FRMD3: variants seen among roughly 807,000 people sequenced by gnomAD.
FRMD3 encodes the protein FERM domain containing 3, also known as FERM domain-containing protein 3.
FRMD3 carries 33 observed loss-of-function variants against 70.2 expected under a neutral mutation model. That is an observed-to-expected ratio of 0.47 (90% CI 0.36 to 0.63). FRMD3 has a LOEUF of 0.63. Ranked by LOEUF, FRMD3 falls within the 20% of genes least tolerant of loss-of-function variation. The pLI, the probability that FRMD3 is intolerant of heterozygous loss-of-function variation, is 0.00. For missense variants in FRMD3, 632 were observed against 711.4 expected (o/e 0.89, Z 1.27); for synonymous variants, 279 against 255.9 (o/e 1.09, Z -0.86).
chr9:83,444,091 GC>G (rs1827387438), intron 1 of FRMD3, among the ~76,000 whole-genome samples: 1 of 152,208 alleles, frequency 6.6e-6, no homozygotes, highest in African/African-American at 2.4e-5. Flanking sequence ...CACACTTAGT[GC>G]TGGTGATGTT....
intron 1 of FRMD3, among the ~76,000 whole-genome samples, chr9:83,515,356 GAA>G (rs1158718900): frequency 6.6e-6 from 1 of 152,050 alleles, no homozygotes; most frequent in Non-Finnish European, 1.5e-5. Context: ...CAATCAAGCG[GAA>G]AAAAGGATAT....
intron 13 of FRMD3, among the ~76,000 whole-genome samples, chr9:83,287,943 C>T (rs192020701): frequency 6.6e-6 from 1 of 152,328 alleles, no homozygotes; most frequent in Non-Finnish European, 1.5e-5. Context: ...GGAACTTGGA[C>T]ATGGTAAGTG....
chr9:83,267,088 G>A (rs1833298448), intron 13 of FRMD3: 4 of 1,550,668 alleles, frequency 2.6e-6, no homozygotes, highest in Non-Finnish European at 3.5e-6. Flanking sequence ...GGTTCACCAT[G>A]TGCAATTGGA....
intron 1 of FRMD3, among the ~76,000 whole-genome samples, chr9:83,468,896 C>T (rs1587884200): frequency 6.6e-6 from 1 of 152,294 alleles, no homozygotes; most frequent in African/African-American, 2.4e-5. Context: ...GAGCAGCCAG[C>T]TAGCCATATA....
intron 13 of FRMD3, among the ~76,000 whole-genome samples, chr9:83,254,990 C>G (rs1832632181): frequency 6.6e-6 from 1 of 152,094 alleles, no homozygotes; most frequent in Admixed American, 6.5e-5. Context: ...GAAAGTATTC[C>G]TAAAAGATGA....
At chr9:83,389,746 A>G in intron 1 of FRMD3, 38 bp from the exon 2 acceptor site, 1 of 1,449,468 alleles carries the variant, frequency 6.9e-7, no homozygotes, top group Non-Finnish European at 9.7e-7. Flanking sequence ...GCCAGAGCTC[A>G]CCTTGTGCAT....
At chr9:83,367,870 G>A (rs1824840779) in intron 3 of FRMD3, among the ~76,000 whole-genome samples, 2 of 152,224 alleles carry the variant, frequency 1.3e-5, no homozygotes, top group South Asian at 4.1e-4. Context: ...CTGTAGTAAT[G>A]TCCCTTCATT....
intron 5 of FRMD3, among the ~76,000 whole-genome samples, chr9:83,340,980 G>A (rs1298153030): frequency 6.6e-6 from 1 of 152,096 alleles, no homozygotes; most frequent in Non-Finnish European, 1.5e-5. Context: ...AGACGATGAG[G>A]GGCGACAGTG....
chr9:83,366,192 A>G (rs530839596), intron 3 of FRMD3, among the ~76,000 whole-genome samples: 1 of 152,150 alleles, frequency 6.6e-6, no homozygotes, highest in Non-Finnish European at 1.5e-5. Flanking sequence ...AGAAAAAAAA[A>G]CAGTATGGAG....
In FRMD3 at chr9:83,313,759, CAAG is replaced by C. The variant is rs1464983304; in HGVS notation, c.597-15_597-13del. On this transcript the variant is annotated splice_polypyrimidine_tract_variant and intron_variant, in intron 6 of 13. Coordinates refer to ENST00000304195, the MANE Select transcript of FRMD3 (RefSeq NM_174938.6). ...GTGGGCTCTGCCCCCTAAAATCACA[CAAG>C]AAAAGTTGAGGCAGTTAAAATGGAA... 1 of 1,607,364 alleles carries C rather than the reference CAAG, an allele frequency of 6.2e-7. No individual in the cohort carries two copies.
intron 1 of FRMD3, among the ~76,000 whole-genome samples, chr9:83,478,422 T>C (rs372552833): frequency 6.6e-6 from 1 of 152,112 alleles, no homozygotes; most frequent in African/African-American, 2.4e-5. Context: ...ACTAATCAAT[T>C]GGAAAAATGC....
At chr9:83,322,820 T>G (rs1199564078) in intron 6 of FRMD3, among the ~76,000 whole-genome samples, 1 of 152,224 alleles carries the variant, frequency 6.6e-6, no homozygotes, top group Non-Finnish European at 1.5e-5. Context: ...TTACTTCAAG[T>G]GCTTCCCATC....
chr9:83,321,058 T>C (rs4111395), intron 6 of FRMD3, among the ~76,000 whole-genome samples: 18,340 of 152,196 alleles, frequency 0.12, 1,338 homozygotes, highest in East Asian at 0.23. Flanking sequence ...CTGATTGTGT[T>C]ATTTGGATCT....
At chr9:83,561,300 A>AT in the FRMD3 span, among the ~76,000 whole-genome samples, 1 of 152,030 alleles carries the variant, frequency 6.6e-6, no homozygotes, top group Non-Finnish European at 1.5e-5. Context: ...CTCTTGCTGA[A>AT]TTTTTTTTAC....
intron 6 of FRMD3, among the ~76,000 whole-genome samples, chr9:83,330,809 C>T (rs76820287): frequency 6.6e-5 from 10 of 152,312 alleles, no homozygotes; most frequent in East Asian, 3.9e-4. Context: ...AAGAATCATT[C>T]GGCTCAGTGG....
At chr9:83,416,737 T>TTCTCTCTG (rs1826453290) in intron 1 of FRMD3, among the ~76,000 whole-genome samples, 15 of 81,038 alleles carry the variant, frequency 1.9e-4, no homozygotes, top group East Asian at 4.1e-4. Context: ...CCTAAAACAT[T>TTCTCTCTG]TCTCTCTGTC....
At chr9:83,243,160 G>A, downstream of FRMD3, 2 of 1,548,098 alleles carry the variant, frequency 1.3e-6, no homozygotes, top group Non-Finnish European at 8.7e-7. Context: ...GGAGAGCCAA[G>A]TCTTGGCTGA....
At chr9:83,393,252 A>G (rs1490186790) in intron 1 of FRMD3, among the ~76,000 whole-genome samples, 1 of 152,192 alleles carries the variant, frequency 6.6e-6, no homozygotes, top group Non-Finnish European at 1.5e-5. Context: ...TTTTATAAAT[A>G]CTGTACTAAA....
the FRMD3 span, among the ~76,000 whole-genome samples, chr9:83,562,403 G>A: frequency 6.6e-6 from 1 of 152,298 alleles, no homozygotes; most frequent in East Asian, 1.9e-4. Context: ...TATAGCAGCT[G>A]GAAGGACTCT....
Sources: allele counts gnomAD v4.1 joint callset (sites outside exome capture counted in the v4.1 genomes callset), GRCh38; gene constraint gnomAD v4.1.1; transcripts MANE v1.5; gene names NCBI Gene and HGNC (gene_info 2026-07-23, HGNC 2026-07-21).